The following CANX variants were observed in gnomAD, a reference collection of about 807,000 sequenced individuals.
CANX encodes epididymis secretory sperm binding protein.
A neutral mutation model predicts 75.7 loss-of-function variants in CANX; 14 were observed. That is an observed-to-expected ratio of 0.19 (90% CI 0.12 to 0.29). The LOEUF is 0.29. Ranked by LOEUF, CANX falls within the 10% of genes least tolerant of loss-of-function variation. CANX has a pLI of 1.00. For synonymous variants in CANX, 227 were observed against 236.9 expected (o/e 0.96, Z 0.38); for missense variants, 567 against 713.2 (o/e 0.79, Z 2.34).
intron 2 of CANX, 93 bp from the exon 3 acceptor site, chr5:179,706,165 G>A: frequency 5.3e-6 from 4 of 750,878 alleles, no homozygotes; most frequent in Non-Finnish European, 8.8e-6. Context: ...AAATTTTTGT[G>A]ACAGTTGAAA....
At chr5:179,703,471 G>A (rs775952137) in intron 1 of CANX, among the ~76,000 whole-genome samples, 14 of 152,150 alleles carry the variant, frequency 9.2e-5, no homozygotes, top group Middle Eastern at 3.4e-3. Context: ...CTCCCAACGT[G>A]CTAGGATTAC....
intron 7 of CANX, among the ~76,000 whole-genome samples, chr5:179,715,147 G>GT (rs1777847864): frequency 6.6e-6 from 1 of 152,318 alleles, no homozygotes; most frequent in Admixed American, 6.5e-5. Flanking sequence ...AGGATTCCTT[G>GT]TTTGGATGTG....
chr5:179,696,745 CAT>C (rs1321176609), upstream of CANX, among the ~76,000 whole-genome samples: 1 of 152,202 alleles, frequency 6.6e-6, no homozygotes. Context: ...TGCTTTTTCA[CAT>C]GACACTAAAT....
chr5:179,716,007 C>T, intron 7 of CANX, 98 bp from the exon 8 acceptor site: 1 of 916,772 alleles, frequency 1.1e-6, no homozygotes, highest in Non-Finnish European at 1.8e-6. Flanking sequence ...TCAGGTCAGA[C>T]TTCTGCTGCT....
chr5:179,730,221 T>C lies in CANX; in HGVS notation c.*1577T>C, dbSNP rs1778914473. ...ATATATAAACACTCCACAGTGTTTA[T>C]ATTGGGAAGATATTGGGAAGGAAAT... On this transcript the variant is annotated 3_prime_UTR_variant, in exon 15 of 15. Transcript: ENST00000247461. 6.6e-6 allele frequency: 1 copy of C among 152,646 alleles called. No individual in the cohort carries two copies. Among genetic ancestry groups the C allele is most frequent in the African/African-American group, 2.4e-5 (1 of 41,458 alleles). 9.5% of individuals were successfully genotyped at this position (152,646 alleles called of 1,614,324 possible). A position where few individuals can be genotyped will look rare whatever the true frequency, so the allele number is the denominator to read the frequency against.
chr5:179,692,080 T>A (rs1581822635), intron 1 of CANX, among the ~76,000 whole-genome samples: 1 of 145,898 alleles, frequency 6.9e-6, no homozygotes, highest in South Asian at 2.2e-4. Context: ...GTGCCCGGCC[T>A]ATTTTTTTTT....
At chr5:179,692,895 C>G (rs1234065401) in intron 1 of CANX, among the ~76,000 whole-genome samples, 1 of 152,068 alleles carries the variant, frequency 6.6e-6, no homozygotes, top group Non-Finnish European at 1.5e-5. Flanking sequence ...GCCTGTAATC[C>G]CAGCACTTTG....
chr5:179,687,732 T>C (rs1005232481), intron 1 of CANX, among the ~76,000 whole-genome samples: 1 of 152,060 alleles, frequency 6.6e-6, no homozygotes, highest in Admixed American at 6.6e-5. Context: ...AGTATGTCTA[T>C]GTTATTAAAG....
chr5:179,684,919 A>ATTTTTTTTTT (rs1562433057), intron 1 of CANX, among the ~76,000 whole-genome samples: 13 of 95,252 alleles, frequency 1.4e-4, no homozygotes, highest in African/African-American at 5.6e-4. Context: ...CACCTGGCTA[A>ATTTTTTTTTT]TTTTGTATTT....
intron 1 of CANX, among the ~76,000 whole-genome samples, chr5:179,683,126 T>C (rs1248211921): frequency 2.7e-5 from 4 of 148,624 alleles, no homozygotes; most frequent in African/African-American, 9.9e-5. Context: ...ATCAACTACA[T>C]TTATTTATTT....
At chr5:179,690,398 A>C (rs1355961962) in intron 1 of CANX, among the ~76,000 whole-genome samples, 1 of 150,888 alleles carries the variant, frequency 6.6e-6, no homozygotes, top group Non-Finnish European at 1.5e-5. Context: ...CAACATGGTG[A>C]AACCCCGTCT....
At position 179,722,955 on chromosome 5, in the gene CANX, G is replaced by T; in HGVS notation, c.1334G>T (p.Arg445Ile). The T allele has an allele frequency of 6.2e-7, 1 of 1,614,114 alleles. No homozygotes were observed. The highest frequency in any genetic ancestry group is 8.5e-7 in the Non-Finnish European group (1 of 1,180,014). ...FDNFIICADR[R>I]IVDDWANDGW... ...AACTTTATCATTTGTGCTGATCGAA[G>T]AATAGTTGATGATTGGGCCAATGAT... Residue 445 changes from arginine (R) to isoleucine (I), a missense_variant, in exon 11 of 15, where the codon AGA becomes ATA. Coordinates refer to ENST00000247461, the MANE Select transcript of CANX (RefSeq NM_001746.4).
At chr5:179,714,680 G>A (rs1439317409) in intron 7 of CANX, among the ~76,000 whole-genome samples, 1 of 152,048 alleles carries the variant, frequency 6.6e-6, no homozygotes, top group East Asian at 1.9e-4. Context: ...ACCACGCTGG[G>A]CTAATTTTTT....
intron 1 of CANX, chr5:179,700,925 C>T (rs1198196497): frequency 6.6e-6 from 1 of 150,706 alleles, no homozygotes. Context: ...TGCAGTGGCG[C>T]GATCTCGGCT....
chr5:179,708,168 GT>G (rs928522935), intron 4 of CANX, 70 bp from the exon 5 acceptor site: 195 of 1,309,820 alleles, frequency 1.5e-4, no homozygotes, highest in Middle Eastern at 1.9e-4. Flanking sequence ...ACTAGGAGGT[GT>G]TTTTTTTGGC....
chr5:179,706,799 A>G (rs1248846937), intron 3 of CANX, among the ~76,000 whole-genome samples: 1 of 152,182 alleles, frequency 6.6e-6, no homozygotes, highest in Non-Finnish European at 1.5e-5. Flanking sequence ...ACATCCATGC[A>G]GGAAAATAGT....
intron 7 of CANX, among the ~76,000 whole-genome samples, chr5:179,713,754 C>CAA (rs11403069): frequency 5.9e-5 from 9 of 151,440 alleles, no homozygotes; most frequent in Admixed American, 4.6e-4. Flanking sequence ...CTTGTTCCTA[C>CAA]AAAAAAATAA....
intron 7 of CANX, among the ~76,000 whole-genome samples, chr5:179,712,126 T>C (rs1360930146): frequency 6.6e-6 from 1 of 151,610 alleles, no homozygotes; most frequent in East Asian, 1.9e-4. Context: ...TGTTTTTTTT[T>C]TTTTTTTCTA....
chr5:179,718,197 G>A (rs1409535404), intron 8 of CANX, among the ~76,000 whole-genome samples: 1 of 151,920 alleles, frequency 6.6e-6, no homozygotes, highest in African/African-American at 2.4e-5. Context: ...TGTTTGTTGA[G>A]ACAGAGTCTC....
Sources: gnomAD v4.1 joint callset for allele counts (sites outside exome capture counted in the v4.1 genomes callset) on GRCh38, gnomAD v4.1.1 for gene constraint, MANE v1.5 for transcripts, NCBI Gene and HGNC (gene_info 2026-07-23, HGNC 2026-07-21) for gene names.